TRIM25: variants seen among roughly 807,000 people sequenced by gnomAD.
TRIM25 encodes the protein tripartite motif containing 25.
TRIM25 carries 45 observed loss-of-function variants against 65.2 expected under a neutral mutation model. The observed-to-expected ratio is 0.69, with a 90% CI of 0.54 to 0.89. The LOEUF (loss-of-function observed/expected upper bound fraction) is 0.89, where lower values mean the gene tolerates loss of function less well. Ranked by LOEUF, TRIM25 falls within the 40% of genes least tolerant of loss-of-function variation. The pLI, the probability that TRIM25 is intolerant of heterozygous loss-of-function variation, is 0.00. For synonymous variants in TRIM25, 321 were observed against 340.4 expected (o/e 0.94, Z 0.63); for missense variants, 714 against 803.7 (o/e 0.89, Z 1.35).
chr17:56,910,916 C>T (rs1909614461), intron 1 of TRIM25, among the ~76,000 whole-genome samples: 1 of 152,200 alleles, frequency 6.6e-6, no homozygotes, highest in South Asian at 2.1e-4. Flanking sequence ...TAGGACTCAG[C>T]AAGTCAGGAC....
chr17:56,898,790 G>A (rs1342967985), intron 5 of TRIM25, among the ~76,000 whole-genome samples: 1 of 152,010 alleles, frequency 6.6e-6, no homozygotes, highest in Non-Finnish European at 1.5e-5. Flanking sequence ...GAGATGCCAA[G>A]GAGGTTTAGC....
At chr17:56,897,915 C>T (rs757004936) in intron 5 of TRIM25, among the ~76,000 whole-genome samples, 2 of 152,238 alleles carry the variant, frequency 1.3e-5, no homozygotes, top group Non-Finnish European at 2.9e-5. Context: ...CCAGGCATCC[C>T]AGCCCTGACT....
chr17:56,895,088 G>A (rs1264525107), intron 8 of TRIM25, among the ~76,000 whole-genome samples: 1 of 152,256 alleles, frequency 6.6e-6, no homozygotes, highest in Non-Finnish European at 1.5e-5. Flanking sequence ...CCGACCCACA[G>A]AGAAAGGTGA....
At position 56,913,583 on chromosome 17, in the gene TRIM25, C is replaced by G; in HGVS notation, c.406G>C (p.Asp136His). ...GGGTGGTCCTGGAAGGCGGGGCTGT[C>G]GAAGTGCGGCTGCAGGTGCTCCTGA... ...FCQEHLQPHF[D>H]SPAFQDHPLQ... The change falls in exon 1 of 9, where the codon GAC becomes CAC. Residue 136 changes from aspartate (D) to histidine (H), a missense_variant. Transcript: ENST00000316881. This position sits in a 1 kb window ranked among gnomAD's most constrained non-coding sequence, Gnocchi z 6.1. 6.2e-7 allele frequency: 1 copy of G among 1,611,016 alleles called. No individual in the cohort carries two copies. Among genetic ancestry groups the G allele is most frequent in the South Asian group, 1.1e-5 (1 of 90,740 alleles).
chr17:56,894,410 G>A lies in TRIM25; in HGVS notation c.1363+933C>T, dbSNP rs527993616. ...ATTATAGGCATGTGCCACCACGCCC[G>A]GCTAATTTTTTGTATTTTTAGTAGA... On this transcript the variant is annotated intron_variant, in intron 8 of 8. Transcript: ENST00000316881. 4.4e-4 allele frequency among the ~76,000 whole-genome samples: 67 copies of A among 152,208 alleles called. 1 individual carries two copies. Among genetic ancestry groups the A allele is most frequent in the African/African-American group, 1.4e-3 (60 of 41,520 alleles).
rs997701280 is a variant in TRIM25, at chr17:56,891,020, C to A, written c.*680G>T. On this transcript the variant is annotated 3_prime_UTR_variant, in exon 9 of 9. Transcript: ENST00000316881. ...GGCTGATTCCAATCATGGTTTGAAG[C>A]TTTAGCTGAAAAGTTTGCTGTTTGA... The A allele has an allele frequency of 1.2e-5, 5 of 416,250 alleles. No individual in the cohort carries two copies. The highest frequency in any genetic ancestry group is 2.7e-5 in the Admixed American group (1 of 37,530). 25.8% of individuals were successfully genotyped at this position (416,250 alleles called of 1,614,324 possible). A position where few individuals can be genotyped will look rare whatever the true frequency, so the allele number is the denominator to read the frequency against.
At chr17:56,898,656 A>C (rs926377498) in intron 5 of TRIM25, among the ~76,000 whole-genome samples, 5 of 151,932 alleles carry the variant, frequency 3.3e-5, no homozygotes, top group African/African-American at 1.2e-4. Context: ...TAGGAAAAAA[A>C]TTTTCTCAAA....
intron 2 of TRIM25, among the ~76,000 whole-genome samples, chr17:56,907,333 C>T (rs1419988792): frequency 2.0e-5 from 3 of 152,212 alleles, no homozygotes; most frequent in Non-Finnish European, 4.4e-5. Flanking sequence ...GGTACTTTCA[C>T]GTGCATTCTT....
Position 56,890,133 on chromosome 17 carries a change from T to C in TRIM25, c.*1567A>G, listed in dbSNP as rs1281676946. On this transcript the variant is annotated 3_prime_UTR_variant, in exon 9 of 9. Transcript: ENST00000316881. ...AGGTCTGGGGTCTCTAGTTCCCCAA[T>C]GGTGACTTCTTTTCATATTATAGGA... 1 of 328,534 alleles carries C rather than the reference T, an allele frequency of 3.0e-6. No individual in the cohort carries two copies. Among genetic ancestry groups the C allele is most frequent in the Non-Finnish European group, 5.5e-6 (1 of 180,892 alleles). The allele number at this position is 328,534 out of a possible 1,614,324, so 20.4% of individuals were successfully genotyped here.
chr17:56,899,452 C>G (rs1361472944), intron 4 of TRIM25, among the ~76,000 whole-genome samples: 1 of 152,236 alleles, frequency 6.6e-6, no homozygotes, highest in East Asian at 1.9e-4. Context: ...CTTCTCTGAG[C>G]TTTGGTTTCT....
At chr17:56,896,100 G>GA (rs747125582) in intron 5 of TRIM25, 148 bp from the exon 6 acceptor site, 289 of 863,824 alleles carry the variant, frequency 3.3e-4, no homozygotes, top group Non-Finnish European at 4.9e-4. Context: ...CAGGCAAAAT[G>GA]AATCTATAGT....
chr17:56,903,953 A>C (rs987678868), intron 3 of TRIM25, among the ~76,000 whole-genome samples: 19 of 152,298 alleles, frequency 1.2e-4, no homozygotes, highest in African/African-American at 4.3e-4. Flanking sequence ...CTGAGCTCCA[A>C]AGGAAACAGC....
chr17:56,913,959 C>G lies in TRIM25; in HGVS notation c.30G>C (p.Glu10Asp). The G allele has an allele frequency of 2.5e-6, 4 of 1,580,372 alleles. No individual in the cohort carries two copies. In the South Asian group the frequency reaches 4.6e-5, roughly 18 times the overall value. The change falls in exon 1 of 9, where the codon GAG (glutamate) becomes GAC (aspartate). Residue 10 changes from glutamate to aspartate, a missense_variant. Physicochemically the swap from Glu to Asp is conservative, Grantham distance 45 (BLOSUM62 2). Around this residue, in one of 3 missense-constraint regions of TRIM25, gnomAD observed 291 missense variants for 281.8 expected, o/e 1.03. Transcript: ENST00000316881. This position sits in a 1 kb window ranked among gnomAD's most constrained non-coding sequence, Gnocchi z 6.1. ...GCTCCAGGCAGATGGAGCACGACAG[C>G]TCCTCGGCCAGGGGGCACAGCTCTG... is the stretch of plus-strand genomic sequence containing the variant. Reference protein sequence around the residue: MAELCPLAEELSCSICLEPF... With the variant: MAELCPLAEDLSCSICLEPF...
chr17:56,904,238 G>A lies in TRIM25; in HGVS notation c.927+17C>T, dbSNP rs765409502. On this transcript the variant is annotated intron_variant, in intron 3 of 8. Coordinates refer to ENST00000316881, the MANE Select transcript of TRIM25 (RefSeq NM_005082.5). ...AAAAAAAAAAAAAACATTCAACAAT[G>A]CCTTGTGGCGACCTACCTCCAGAAA... The A allele has an allele frequency of 2.2e-5, 32 of 1,455,210 alleles. No individual in the cohort carries two copies. The highest frequency in any genetic ancestry group is 3.8e-6 in the Non-Finnish European group (4 of 1,043,648). The allele number at this position is 1,455,210 out of a possible 1,614,324, so 90.1% of individuals were successfully genotyped here. A position where few individuals can be genotyped will look rare whatever the true frequency, so the allele number is the denominator to read the frequency against.
chr17:56,895,409 A>G lies in TRIM25; in HGVS notation c.1297T>C (p.Ser433Pro). 6.2e-7 allele frequency: 1 copy of G among 1,614,172 alleles called. No individual in the cohort carries two copies. The highest frequency in any genetic ancestry group is 8.5e-7 in the Non-Finnish European group (1 of 1,180,044). ...AAKATSSHPN[S>P]TSLKAKVLET... is the part of the protein sequence containing the mutation. ...AGCACCTTGGCCTTGAGAGATGTTG[A>G]GTTCGGATGTGAGCTGGTGGCTTTG... The change falls in exon 8 of 9, where the codon TCA becomes CCA. Residue 433 changes from serine (S) to proline (P), a missense_variant. Physicochemically the swap from Ser to Pro is moderately conservative, Grantham distance 74. This residue lies in a region of TRIM25 where 413 missense variants were observed against 498.2 expected (regional missense o/e 0.83). Transcript: ENST00000316881.
rs1022227263 is a variant in TRIM25 at position 56,889,811 on chromosome 17, C to A, written c.*1889G>T. The A allele has an allele frequency of 5.0e-6, 2 of 398,474 alleles. 1 individual carries two copies. Among genetic ancestry groups the A allele is most frequent in the African/African-American group, 4.1e-5 (2 of 48,624 alleles). The allele number at this position is 398,474 out of a possible 1,614,324, so 24.7% of individuals were successfully genotyped here. A position where few individuals can be genotyped will look rare whatever the true frequency, so the allele number is the denominator to read the frequency against. On this transcript the variant is annotated 3_prime_UTR_variant, in exon 9 of 9. Transcript: ENST00000316881. ...TCGTTTCAGAAAATCAATGAAGATG[C>A]TTTTGATCATCTTCAAAAGCAGAGA...
In TRIM25 at chr17:56,901,531, G is replaced by C; in HGVS notation, c.975C>G (p.Pro325=). Residue 325 remains proline (P), a synonymous_variant, in exon 4 of 9, where the codon CCC becomes CCG. Coordinates refer to ENST00000316881, the MANE Select transcript of TRIM25 (RefSeq NM_005082.5). ...RGISTKPVYI[P]EVELNHKLIK... is the part of the protein sequence containing the mutation. ...TCAGCTTGTGGTTCAGTTCCACCTCGGGGATGTAGACTGGCTTTGTTGAGA... is the reference window on the plus strand; with the variant it reads ...TCAGCTTGTGGTTCAGTTCCACCTCCGGGATGTAGACTGGCTTTGTTGAGA... The C allele has an allele frequency of 6.2e-7, 1 of 1,614,122 alleles. No individual in the cohort carries two copies. The highest frequency in any genetic ancestry group is 1.1e-5 in the South Asian group (1 of 91,072).
At chr17:56,895,735 C>T (rs1240843152) in intron 6 of TRIM25, 131 bp from the exon 7 acceptor site, 1 of 1,204,016 alleles carries the variant, frequency 8.3e-7, no homozygotes, top group Admixed American at 2.6e-5. Flanking sequence ...ACAGACAAGG[C>T]TAAAGTCACC....
intron 2 of TRIM25, among the ~76,000 whole-genome samples, chr17:56,904,931 C>T (rs771939965): frequency 6.6e-6 from 1 of 152,154 alleles, no homozygotes; most frequent in Non-Finnish European, 1.5e-5. Context: ...GAAGAAGATC[C>T]ACCATATGAT....
Sources: allele counts gnomAD v4.1 joint callset (sites outside exome capture counted in the v4.1 genomes callset), GRCh38; gene constraint gnomAD v4.1.1; regional missense constraint gnomAD v4.1.1; non-coding constraint Gnocchi (gnomAD v3.1); transcripts MANE v1.5; gene names NCBI Gene and HGNC (gene_info 2026-07-23, HGNC 2026-07-21).